The following KIAA1549L variants were observed in gnomAD, a reference collection of about 807,000 sequenced individuals.
KIAA1549L encodes KIAA1549 like, also known as UPF0606 protein KIAA1549L.
A neutral mutation model predicts 160.7 loss-of-function variants in KIAA1549L; 88 were observed. The ratio of observed to expected loss-of-function variants is 0.55; its 90% CI spans 0.46 to 0.65. KIAA1549L has a LOEUF of 0.65. KIAA1549L is among the 30% of genes least tolerant of loss of function. KIAA1549L has a pLI of 0.00. For missense variants in KIAA1549L, 2,258 were observed against 2,437.5 expected (o/e 0.93, Z 1.55); for synonymous variants, 950 against 976.7 (o/e 0.97, Z 0.51).
intron 1 of KIAA1549L, among the ~76,000 whole-genome samples, chr11:33,418,885 CTT>C (rs60307209): frequency 2.9e-5 from 4 of 139,566 alleles, no homozygotes; most frequent in Non-Finnish European, 3.1e-5. Flanking sequence ...GCATTCCTAG[CTT>C]TTTTTTTTTT....
intron 16 of KIAA1549L, among the ~76,000 whole-genome samples, chr11:33,639,993 T>C (rs1020238351): frequency 6.6e-6 from 1 of 152,250 alleles, no homozygotes; most frequent in Admixed American, 6.5e-5. Context: ...TCTCTATACA[T>C]TTATTTATTG....
At chr11:33,655,616 A>G (rs1314991808) in intron 17 of KIAA1549L, among the ~76,000 whole-genome samples, 2 of 152,206 alleles carry the variant, frequency 1.3e-5, no homozygotes, top group African/African-American at 4.8e-5. Context: ...ACAAGCAACC[A>G]TATAAAGTCA....
chr11:33,644,711 C>T (rs1482835963), intron 16 of KIAA1549L, among the ~76,000 whole-genome samples: 7 of 152,270 alleles, frequency 4.6e-5, no homozygotes, highest in Admixed American at 3.9e-4. Context: ...TTTATCTTCT[C>T]TGTGCACCTT....
intron 17 of KIAA1549L, among the ~76,000 whole-genome samples, chr11:33,649,436 G>C (rs969715990): frequency 2.7e-5 from 4 of 150,094 alleles, no homozygotes; most frequent in Non-Finnish European, 4.4e-5. Flanking sequence ...GAAGTTCAAG[G>C]TTGCAGTGAG....
chr11:33,468,848 A>C (rs1399753528), intron 1 of KIAA1549L, among the ~76,000 whole-genome samples: 1 of 152,126 alleles, frequency 6.6e-6, no homozygotes, highest in Non-Finnish European at 1.5e-5. Context: ...GAAGATACTG[A>C]GCTTATTATT....
At chr11:33,629,156 C>T (rs1453547376) in intron 16 of KIAA1549L, among the ~76,000 whole-genome samples, 1 of 152,200 alleles carries the variant, frequency 6.6e-6, no homozygotes, top group African/African-American at 2.4e-5. Context: ...GAGAGATCCG[C>T]TGTTAGTCTG....
intron 19 of KIAA1549L, among the ~76,000 whole-genome samples, chr11:33,660,189 G>A (rs1230357610): frequency 9.3e-3 from 1 of 108 alleles, no homozygotes; most frequent in African/African-American, 0.033. Flanking sequence ...ATACTGTCTG[G>A]ACTTTAGCCC....
intron 1 of KIAA1549L, among the ~76,000 whole-genome samples, chr11:33,431,808 G>A (rs925872815): frequency 6.6e-6 from 1 of 152,212 alleles, no homozygotes; most frequent in African/African-American, 2.4e-5. Context: ...GGTGCTCATC[G>A]GGGAGGCTCG....
chr11:33,403,857 AAAT>A (rs1237102929), intron 1 of KIAA1549L, among the ~76,000 whole-genome samples: 1 of 152,194 alleles, frequency 6.6e-6, no homozygotes, highest in Non-Finnish European at 1.5e-5. Context: ...TAAATCCTTG[AAAT>A]TATATGTTTA....
chr11:33,618,717 G>A, intron 16 of KIAA1549L, 55 bp downstream of exon 16: 1 of 1,444,680 alleles, frequency 6.9e-7, no homozygotes, highest in Non-Finnish European at 9.3e-7. Flanking sequence ...TGAAGGCAAG[G>A]GGGATAGGGC....
At chr11:33,579,235 G>A (rs1855556049) in intron 10 of KIAA1549L, among the ~76,000 whole-genome samples, 1 of 152,082 alleles carries the variant, frequency 6.6e-6, no homozygotes, top group Admixed American at 6.6e-5. Context: ...GCCTGTAAAG[G>A]GCTTGGTGCA....
intron 12 of KIAA1549L, among the ~76,000 whole-genome samples, chr11:33,593,041 C>A (rs190786769): frequency 2.3e-3 from 354 of 152,214 alleles, no homozygotes; most frequent in Non-Finnish European, 4.1e-3. Context: ...GCTTTACAGA[C>A]CAAAGTCAGG....
intron 1 of KIAA1549L, among the ~76,000 whole-genome samples, chr11:33,409,047 C>T (rs1377801550): frequency 6.7e-6 from 1 of 149,460 alleles, no homozygotes; most frequent in Non-Finnish European, 1.5e-5. Context: ...TTCAGAACAA[C>T]ACAATAGTCA....
In KIAA1549L at chr11:33,431,044, G is replaced by A. The variant is rs148591957; in HGVS notation, c.238+54155G>A. On this transcript the variant is annotated intron_variant, in intron 1 of 20. Coordinates refer to ENST00000658780, the MANE Select transcript of KIAA1549L (RefSeq NM_012194.3). ...CTTCTGGTGAGTTCGTGGTCTCGCT[G>A]GCTCAGGAGTGAAGCTGCAGACCTT... Among the ~76,000 whole-genome samples the A allele has an allele frequency of 1.1e-3, 165 of 152,248 alleles. 1 individual carries two copies. The highest frequency in any genetic ancestry group is 3.8e-3 in the African/African-American group (157 of 41,542).
intron 1 of KIAA1549L, among the ~76,000 whole-genome samples, chr11:33,435,764 A>ATGTG (rs1851340932): frequency 1.8e-4 from 1 of 5,694 alleles, no homozygotes; most frequent in African/African-American, 9.6e-4. Flanking sequence ...AATAAGATAT[A>ATGTG]TATATATATA....
At chr11:33,492,534 T>A (rs1852701375) in intron 1 of KIAA1549L, among the ~76,000 whole-genome samples, 1 of 152,194 alleles carries the variant, frequency 6.6e-6, no homozygotes, top group South Asian at 2.1e-4. Context: ...TGACTCCAAG[T>A]GGAATTTCGC....
At chr11:33,379,683 G>T (rs149341529) in intron 1 of KIAA1549L, among the ~76,000 whole-genome samples, 18 of 152,182 alleles carry the variant, frequency 1.2e-4, no homozygotes, top group Admixed American at 6.5e-5. Flanking sequence ...GTGACTGTCT[G>T]GGTCTCAGTT....
In KIAA1549L at chr11:33,542,354, C is replaced by A; in HGVS notation, c.791C>A (p.Ala264Glu). The A allele has an allele frequency of 1.2e-6, 1 of 869,114 alleles. No individual in the cohort carries two copies. Among genetic ancestry groups the A allele is most frequent in the Non-Finnish European group, 1.8e-6 (1 of 558,584 alleles). The allele number at this position is 869,114 out of a possible 1,614,324, so 53.8% of individuals were successfully genotyped here. ...CCTCATTCCATCATCTCTGAGCCAG[C>A]AGAGCAATCCCCCAAAGTGCTGTTA... ...DSPHSIISEP[A>E]EQSPKVLLVP... is the part of the protein sequence containing the mutation. The change falls in exon 2 of 21, where the codon GCA becomes GAA. Residue 264 changes from alanine to glutamate, a missense_variant. By Grantham distance (107) the Ala-to-Glu change is moderately radical (BLOSUM62 -1). Transcript: ENST00000658780.
chr11:33,410,706 G>T (rs968811170), intron 1 of KIAA1549L, among the ~76,000 whole-genome samples: 1 of 152,158 alleles, frequency 6.6e-6, no homozygotes, highest in Admixed American at 6.5e-5. Flanking sequence ...GGGCATAGTG[G>T]GTGGGTAGCA....
Sources: allele counts gnomAD v4.1 joint callset (sites outside exome capture counted in the v4.1 genomes callset), GRCh38; gene constraint gnomAD v4.1.1; transcripts MANE v1.5; gene names NCBI Gene and HGNC (gene_info 2026-07-23, HGNC 2026-07-21).